MYBPC2: variants seen among roughly 807,000 people sequenced by gnomAD.
MYBPC2 encodes the protein myosin-binding protein C, fast-type.
A neutral mutation model predicts 137.0 loss-of-function variants in MYBPC2; 122 were observed. That is an observed-to-expected ratio of 0.89 (90% confidence interval 0.77 to 1.03). MYBPC2 has a LOEUF of 1.03. MYBPC2 is among the 50% of genes least tolerant of loss of function. The probability of loss-of-function intolerance (pLI) is 0.00; values close to 1 mark genes in which losing one functional copy is unlikely to be tolerated. For synonymous variants in MYBPC2, 626 were observed against 612.3 expected, an observed-to-expected ratio of 1.02 and a Z score of -0.33; for missense variants, 1,500 against 1,534.4, an observed-to-expected ratio of 0.98 and a Z score of 0.37.
Position 50,453,891 on chromosome 19 carries a change from G to A in MYBPC2, c.1750-129G>A, listed in dbSNP as rs1360291840. 1.2e-5 allele frequency: 13 copies of A among 1,075,978 alleles called. No individual in the cohort carries two copies. In the East Asian group the frequency reaches 3.4e-4, roughly 28 times the overall value. The allele number at this position is 1,075,978 out of a possible 1,614,324, so 66.7% of individuals were successfully genotyped here. A position where few individuals can be genotyped will look rare whatever the true frequency, so the allele number is the denominator to read the frequency against. ...GCATTTGGAGGGCGAGGAGGGCAGTGGAGCGAGTGAGGACTCTGTGTGTTG... is the reference window on the plus strand; with the variant it reads ...GCATTTGGAGGGCGAGGAGGGCAGTAGAGCGAGTGAGGACTCTGTGTGTTG... On this transcript the variant is annotated intron_variant, in intron 16 of 27. Transcript: ENST00000357701.
Position 50,443,721 on chromosome 19 carries a change from C to T in MYBPC2, c.1038C>T (p.Val346=), listed in dbSNP as rs781087868. The stretch of plus-strand genomic sequence containing the variant: ...CCCCCTGCCCCACAGAACCTCCAGT[C>T]CTAATTGTCACACCTCTTGAGGACC... ...FTELFVKEPP[V]LIVTPLEDQQ... Residue 346 remains valine, a synonymous_variant, in exon 11 of 28, where the codon GTC becomes GTT. Transcript: ENST00000357701. 16 of 1,613,800 alleles carry T rather than the reference C, an allele frequency of 9.9e-6. No homozygotes were observed. In the African/African-American group the frequency reaches 2.0e-4, roughly 20 times the overall value.
At chr19:50,455,724 A>G (rs2039904289) in intron 20 of MYBPC2, 80 bp downstream of exon 20, 1 of 1,565,742 alleles carries the variant, frequency 6.4e-7, no homozygotes, top group Non-Finnish European at 8.7e-7. Flanking sequence ...AAATAGGACC[A>G]TGTGGGACAG....
In MYBPC2 at chr19:50,432,910, C is replaced by A; in HGVS notation, c.-44C>A. The A allele has an allele frequency of 6.3e-6, 10 of 1,598,616 alleles. No homozygotes were observed. The highest frequency in any genetic ancestry group is 8.5e-6 in the Non-Finnish European group (10 of 1,175,334). On this transcript the variant is annotated 5_prime_UTR_variant, in exon 1 of 28. Coordinates refer to ENST00000357701, the MANE Select transcript of MYBPC2 (RefSeq NM_004533.4). The surrounding 1 kb of genome is among the most constrained non-coding windows in gnomAD (Gnocchi z 5.5). ...CCCACCTGTCCTCCCTAGGGCCTAG[C>A]GGGACGCGGCTGCGGTCAGAGGAGC...
At position 50,443,633 on chromosome 19, in the gene MYBPC2, C is replaced by T. The variant is rs2122588027; in HGVS notation, c.1027+15C>T. The T allele has an allele frequency of 6.2e-7, 1 of 1,613,118 alleles. No homozygotes were observed. Among genetic ancestry groups the T allele is most frequent in the Non-Finnish European group, 8.5e-7 (1 of 1,179,148 alleles). ...CTTCGTCAAAGGTGAGGCTGGAATT[C>T]AGAACTGAGCCTGGAGAGGGACTGG... On this transcript the variant is annotated intron_variant, in intron 10 of 27. Coordinates refer to ENST00000357701, the MANE Select transcript of MYBPC2 (RefSeq NM_004533.4).
At position 50,461,601 on chromosome 19, in the gene MYBPC2, C is replaced by G; in HGVS notation, c.2991C>G (p.Ile997Met). Residue 997 changes from isoleucine to methionine, a missense_variant, in exon 25 of 28, where the codon ATC becomes ATG. Transcript: ENST00000357701. ...CTAGCTGTACTGTGTCCGACCTTATCGTGGGCAATGAATACTATTTCCGAG... is the reference window on the plus strand; with the variant it reads ...CTAGCTGTACTGTGTCCGACCTTATGGTGGGCAATGAATACTATTTCCGAG... ...RHTSCTVSDL[I>M]VGNEYYFRVY... is the part of the protein sequence containing the mutation. 1 of 1,613,668 alleles carries G rather than the reference C, an allele frequency of 6.2e-7. No individual in the cohort carries two copies. The highest frequency in any genetic ancestry group is 2.2e-5 in the East Asian group (1 of 44,862).
chr19:50,455,726 G>A (rs899156368), intron 20 of MYBPC2, 82 bp downstream of exon 20: 1 of 1,563,368 alleles, frequency 6.4e-7, no homozygotes, highest in Non-Finnish European at 8.7e-7. Flanking sequence ...ATAGGACCAT[G>A]TGGGACAGAG....
Position 50,435,848 on chromosome 19 carries a change from T to A in MYBPC2, c.182T>A (p.Val61Asp). 6.3e-7 allele frequency: 1 copy of A among 1,598,638 alleles called. No homozygotes were observed. Among genetic ancestry groups the A allele is most frequent in the South Asian group, 1.1e-5 (1 of 88,192 alleles). ...TGVFLKKPDS[V>D]SVETGKDAVV... Reference sequence around the variant, plus strand: ...GTTTTCCTGAAGAAGCCGGACTCCGTCTCAGTGGAGACTGGTGAGGGGAAC... The same window carrying A: ...GTTTTCCTGAAGAAGCCGGACTCCGACTCAGTGGAGACTGGTGAGGGGAAC... The change falls in exon 3 of 28, where the codon GTC (valine) becomes GAC (aspartate). Residue 61 changes from valine (V) to aspartate (D), a missense_variant. Transcript: ENST00000357701. This position sits in a 1 kb window ranked among gnomAD's most constrained non-coding sequence, Gnocchi z 4.8.
intron 19 of MYBPC2, 53 bp from the exon 20 acceptor site, chr19:50,455,457 C>A: frequency 6.3e-7 from 1 of 1,587,206 alleles, no homozygotes; most frequent in South Asian, 1.1e-5. Flanking sequence ...CCCCTTCCTG[C>A]TGACCCCTGA....
At chr19:50,457,969 G>A (rs531616526) in intron 20 of MYBPC2, among the ~76,000 whole-genome samples, 17 of 151,438 alleles carry the variant, frequency 1.1e-4, no homozygotes, top group African/African-American at 4.1e-4. Context: ...CATGAGCCAC[G>A]GGATTACAAG....
rs200887632 is a variant in MYBPC2 at position 50,455,144 on chromosome 19, G to T, written c.2051G>T (p.Arg684Leu). The change falls in exon 19 of 28, where the codon CGC (arginine) becomes CTC (leucine). Residue 684 changes from arginine (R) to leucine (L), a missense_variant. By Grantham distance (102) the Arg-to-Leu change is moderately radical (BLOSUM62 -2). Coordinates refer to ENST00000357701, the MANE Select transcript of MYBPC2 (RefSeq NM_004533.4). The part of the protein sequence containing the change: ...LVERKKKGSQ[R>L]WMKLNFEVFT... ...GAGCGGAAGAAGAAGGGCTCTCAGC[G>T]CTGGATGAAGCTGAACTTTGAGGTC... 6.2e-7 allele frequency: 1 copy of T among 1,613,534 alleles called. No individual in the cohort carries two copies. Among genetic ancestry groups the T allele is most frequent in the African/African-American group, 1.3e-5 (1 of 74,866 alleles).
rs945922961 is a variant in MYBPC2 at position 50,443,923 on chromosome 19, T to G, written c.1133+107T>G. 7 of 1,039,718 alleles carry G rather than the reference T, an allele frequency of 6.7e-6. No homozygotes were observed. The African/African-American group carries it at 8.0e-5, about 12-fold the overall frequency. The allele number at this position is 1,039,718 out of a possible 1,614,324, so 64.4% of individuals were successfully genotyped here. On this transcript the variant is annotated intron_variant, in intron 11 of 27. Coordinates refer to ENST00000357701, the MANE Select transcript of MYBPC2 (RefSeq NM_004533.4). ...TGACTTCTCTTGGAGATTTCTGACC[T>G]TTACTCAGTAGTCATCCCCAGGAGA...
rs76966642 is a variant in MYBPC2, at chr19:50,443,869, C to T, written c.1133+53C>T. The T allele has an allele frequency of 3.7e-3, 5,661 of 1,534,048 alleles. 154 individuals carry two copies. The African/African-American group carries it at 0.066, about 18-fold the overall frequency. On this transcript the variant is annotated intron_variant, in intron 11 of 27. Transcript: ENST00000357701. ...ATACAGGTGCACATAGTTTCTTTGC[C>T]TCTGCCTTGATCTTTATGGGACCTC...
At chr19:50,447,148 C>A (rs1057313862) in intron 12 of MYBPC2, among the ~76,000 whole-genome samples, 8 of 152,056 alleles carry the variant, frequency 5.3e-5, no homozygotes, top group African/African-American at 1.7e-4. Flanking sequence ...CCAGTACCCG[C>A]CAGAGTGAGC....
In MYBPC2 at chr19:50,454,267, G is replaced by T. The variant is rs755206108; in HGVS notation, c.1912G>T (p.Val638Phe). ...CCTGACTCTCCTGCCCCCTGCAGATGTCCCAGACCCCCCGGAGGCTGTGCG... is the reference window on the plus strand; with the variant it reads ...CCTGACTCTCCTGCCCCCTGCAGATTTCCCAGACCCCCCGGAGGCTGTGCG... ...VASIFLQVVD[V>F]PDPPEAVRIT... Residue 638 changes from valine (V) to phenylalanine (F), a missense_variant and splice_region_variant, in exon 18 of 28, where the codon GTC becomes TTC. By Grantham distance (50) the Val-to-Phe change is conservative (BLOSUM62 -1). Transcript: ENST00000357701. 6.2e-7 allele frequency: 1 copy of T among 1,613,846 alleles called. No homozygotes were observed. Among genetic ancestry groups the T allele is most frequent in the Non-Finnish European group, 8.5e-7 (1 of 1,179,848 alleles).
chr19:50,440,675 A>C (rs1230684867), intron 7 of MYBPC2, among the ~76,000 whole-genome samples: 3 of 151,080 alleles, frequency 2.0e-5, no homozygotes, highest in Non-Finnish European at 3.0e-5. Flanking sequence ...AAAAAAAAAA[A>C]ACCAAAAAAC....
At chr19:50,456,862 C>A (rs1212007174) in intron 20 of MYBPC2, among the ~76,000 whole-genome samples, 2 of 152,192 alleles carry the variant, frequency 1.3e-5, no homozygotes, top group African/African-American at 2.4e-5. Flanking sequence ...GCCTGTCCAT[C>A]CATCATCTGT....
Position 50,436,089 on chromosome 19 carries a change from A to C in MYBPC2, c.274A>C (p.Lys92Gln). ...DKPTIKWFKGKWLELGSKSGA... is the reference protein window; with the variant it reads ...DKPTIKWFKGQWLELGSKSGA... ...ACCGACCATCAAGTGGTTCAAGGGGAAGTGGCTGGAGCTGGGCAGCAAGAG... is the reference window on the plus strand; with the variant it reads ...ACCGACCATCAAGTGGTTCAAGGGGCAGTGGCTGGAGCTGGGCAGCAAGAG... The change falls in exon 4 of 28, where the codon AAG becomes CAG. Residue 92 changes from lysine (K) to glutamine (Q), a missense_variant. By Grantham distance (53) the Lys-to-Gln change is moderately conservative. Transcript: ENST00000357701. 1 of 1,583,184 alleles carries C rather than the reference A, an allele frequency of 6.3e-7. No homozygotes were observed. Among genetic ancestry groups the C allele is most frequent in the South Asian group, 1.2e-5 (1 of 86,340 alleles).
At position 50,461,907 on chromosome 19, in the gene MYBPC2, C is replaced by T. The variant is rs1166839848; in HGVS notation, c.3099C>T (p.Thr1033=). Residue 1033 remains threonine, a synonymous_variant, in exon 26 of 28, where the codon ACC becomes ACT. Coordinates refer to ENST00000357701, the MANE Select transcript of MYBPC2 (RefSeq NM_004533.4). ...NTARILKTGI[T]FKPFEYKEHD... is the part of the protein sequence containing the mutation. ...TGCATCCTCTCTCCCCAGGAATCAC[C>T]TTCAAACCGTTCGAGTATAAGGAGC... 5 of 1,597,178 alleles carry T rather than the reference C, an allele frequency of 3.1e-6. No homozygotes were observed. The East Asian group carries it at 1.1e-4, about 36-fold the overall frequency.
intron 26 of MYBPC2, chr19:50,464,134 T>G: frequency 4.1e-6 from 2 of 493,218 alleles, no homozygotes; most frequent in Non-Finnish European, 7.3e-6. Context: ...CTGAGAGCAA[T>G]GGGAAGACCC....
Sources: gnomAD v4.1 joint callset for allele counts (sites outside exome capture counted in the v4.1 genomes callset) on GRCh38, gnomAD v4.1.1 for gene constraint, Gnocchi (gnomAD v3.1) non-coding constraint, MANE v1.5 for transcripts, NCBI Gene and HGNC (gene_info 2026-07-23, HGNC 2026-07-21) for gene names.